ARMC7: variants seen among roughly 807,000 people sequenced by gnomAD.
ARMC7 encodes armadillo repeat-containing protein 7.
In ARMC7, 9 loss-of-function variants were observed where a neutral mutation model predicts 14.8. That is an observed-to-expected ratio of 0.61 (90% CI 0.37 to 1.06). The LOEUF (loss-of-function observed/expected upper bound fraction) is 1.06. ARMC7 is among the 50% of genes least tolerant of loss of function. ARMC7 has a pLI of 0.01. For missense variants in ARMC7, 262 were observed against 267.1 expected (o/e 0.98, Z 0.13); for synonymous variants, 125 against 123.4 (o/e 1.01, Z -0.09).
chr17:75,114,551 C>CCGAG, intron 2 of ARMC7: 1 of 394,718 alleles, frequency 2.5e-6, no homozygotes, highest in South Asian at 1.4e-4. Flanking sequence ...CGTCCCTTCT[C>CCGAG]CGAGCGTGGT....
chr17:75,110,593 G>A lies in ARMC7; in HGVS notation c.222G>A (p.Val74=), dbSNP rs2073909890. The change falls in exon 2 of 3, where the codon GTG becomes GTA. Residue 74 remains valine, a synonymous_variant. Transcript: ENST00000245543. ...DSLSEENETL[V]EFAIGGLCNL... is the part of the protein sequence containing the mutation. The stretch of plus-strand genomic sequence containing the variant: ...TGTCGGAGGAGAATGAGACCCTGGT[G>A]GAGTTTGCTATTGGTAAGGGCGGGG... 1.2e-6 allele frequency: 2 copies of A among 1,614,136 alleles called. No individual in the cohort carries two copies. Among genetic ancestry groups the A allele is most frequent in the Non-Finnish European group, 1.7e-6 (2 of 1,180,052 alleles).
At position 75,124,658 on chromosome 17, in the gene ARMC7, G is replaced by A. The variant is rs550585415; in HGVS notation, c.236-4019G>A. On this transcript the variant is annotated intron_variant, in intron 2 of 2. Coordinates refer to ENST00000245543, the MANE Select transcript of ARMC7 (RefSeq NM_024585.4). ...TGAGCCTGGCATCTGCCCAAGGCTG[G>A]ATTCGTTGTCCTTACTGCTTCCAGA... Among the ~76,000 whole-genome samples, 157 of 151,824 alleles carry A rather than the reference G, an allele frequency of 1.0e-3. 2 individuals are homozygous for A. The South Asian group carries it at 0.013, about 13-fold the overall frequency.
At chr17:75,121,084 G>A (rs186251237) in intron 2 of ARMC7, among the ~76,000 whole-genome samples, 11 of 152,176 alleles carry the variant, frequency 7.2e-5, no homozygotes, top group African/African-American at 2.4e-4. Flanking sequence ...ATCTACTCTC[G>A]TATCTGATTT....
intron 2 of ARMC7, among the ~76,000 whole-genome samples, chr17:75,116,756 G>A (rs1298845110): frequency 6.6e-6 from 1 of 152,236 alleles, no homozygotes; most frequent in Non-Finnish European, 1.5e-5. Flanking sequence ...AAGCGAGAAA[G>A]GAGTTTACTC....
intron 2 of ARMC7, chr17:75,114,728 G>C: frequency 2.5e-6 from 1 of 398,266 alleles, no homozygotes; most frequent in Non-Finnish European, 4.4e-6. Flanking sequence ...TTCTGCCACA[G>C]CAAGACCCCC....
At chr17:75,127,784 A>G (rs2074062742) in intron 2 of ARMC7, among the ~76,000 whole-genome samples, 2 of 152,206 alleles carry the variant, frequency 1.3e-5, no homozygotes, top group African/African-American at 4.8e-5. Flanking sequence ...TGGTAGCGAC[A>G]GAGTTTTGCC....
intron 2 of ARMC7, among the ~76,000 whole-genome samples, chr17:75,125,369 G>C (rs2074044211): frequency 6.6e-6 from 1 of 152,194 alleles, no homozygotes; most frequent in African/African-American, 2.4e-5. Flanking sequence ...TGGAGGGCTT[G>C]TTACCAGCAA....
intron 2 of ARMC7, among the ~76,000 whole-genome samples, chr17:75,120,691 G>A (rs1301223375): frequency 3.3e-5 from 5 of 151,772 alleles, no homozygotes; most frequent in African/African-American, 1.2e-4. Flanking sequence ...GCGGGCACCT[G>A]TAGTCCCAGC....
intron 2 of ARMC7, among the ~76,000 whole-genome samples, chr17:75,121,643 A>G (rs1424877294): frequency 1.3e-5 from 2 of 152,090 alleles, no homozygotes; most frequent in African/African-American, 2.4e-5. Context: ...GGAACTCCTG[A>G]CCTCAAGTGA....
chr17:75,127,174 G>A (rs1214057452), intron 2 of ARMC7, among the ~76,000 whole-genome samples: 5 of 151,932 alleles, frequency 3.3e-5, no homozygotes, highest in African/African-American at 1.2e-4. Flanking sequence ...GGAAGTTCAA[G>A]ACCAGACTGG....
chr17:75,119,184 TTCACAGGGGATTATTTGTTCTTGGG>T (rs1362972192), intron 2 of ARMC7, among the ~76,000 whole-genome samples: 1 of 144,412 alleles, frequency 6.9e-6, no homozygotes, highest in African/African-American at 2.9e-5. Flanking sequence ...CACTGGACTA[TTCACAGGGGATTATTTGTTCTTGGG>T]TTTTCCTTCA....
chr17:75,117,646 T>G (rs1344980934), intron 2 of ARMC7, among the ~76,000 whole-genome samples: 9 of 152,136 alleles, frequency 5.9e-5, no homozygotes, highest in African/African-American at 2.2e-4. Flanking sequence ...GTCTACAAAT[T>G]TGGCATCAGC....
At chr17:75,122,869 G>T (rs780870842) in intron 2 of ARMC7, among the ~76,000 whole-genome samples, 4 of 151,522 alleles carry the variant, frequency 2.6e-5, no homozygotes, top group Non-Finnish European at 5.9e-5. Flanking sequence ...GCAAAGCCTG[G>T]TGAGGGGGGC....
chr17:75,129,175 A>G lies in ARMC7; in HGVS notation c.*137A>G, dbSNP rs2145138570. The G allele has an allele frequency of 8.0e-7, 1 of 1,255,764 alleles. No individual in the cohort carries two copies. Among genetic ancestry groups the G allele is most frequent in the Non-Finnish European group, 1.1e-6 (1 of 932,072 alleles). 77.8% of individuals were successfully genotyped at this position (1,255,764 alleles called of 1,614,324 possible). ...GAAAGGCGGGTTCTTTCAGCAGGACAGGCATTTACACTGATGAAACGCCAC... is the reference window on the plus strand; with the variant it reads ...GAAAGGCGGGTTCTTTCAGCAGGACGGGCATTTACACTGATGAAACGCCAC... On this transcript the variant is annotated 3_prime_UTR_variant, in exon 3 of 3. Coordinates refer to ENST00000245543, the MANE Select transcript of ARMC7 (RefSeq NM_024585.4).
chr17:75,111,990 A>T (rs907463624), intron 2 of ARMC7, among the ~76,000 whole-genome samples: 5 of 151,534 alleles, frequency 3.3e-5, no homozygotes, highest in Non-Finnish European at 5.9e-5. Flanking sequence ...GTGGTTAGCA[A>T]ACAAAAAAGA....
At chr17:75,116,583 C>A (rs189823094) in intron 2 of ARMC7, among the ~76,000 whole-genome samples, 2 of 152,272 alleles carry the variant, frequency 1.3e-5, no homozygotes, top group Admixed American at 1.3e-4. Flanking sequence ...CAAGATCACG[C>A]CATTGCACTC....
At chr17:75,110,819 G>C (rs2073914590) in intron 2 of ARMC7, among the ~76,000 whole-genome samples, 1 of 152,008 alleles carries the variant, frequency 6.6e-6, no homozygotes, top group Admixed American at 6.6e-5. Flanking sequence ...GCTAGACGTG[G>C]TGGAGAGTGC....
chr17:75,117,730 G>T (rs2073983215), intron 2 of ARMC7, among the ~76,000 whole-genome samples: 1 of 152,190 alleles, frequency 6.6e-6, no homozygotes. Flanking sequence ...TGGTCAGAGT[G>T]TAGTTTTCAG....
rs748856081 is a variant in ARMC7 at position 75,110,338 on chromosome 17, T to G, written c.50T>G (p.Leu17Arg). ...CCCCACGTCGGGCGGCTGGGATACCTGCAGGCGCTGGTCACGGAATTCCAG... is the reference window on the plus strand; with the variant it reads ...CCCCACGTCGGGCGGCTGGGATACCGGCAGGCGCTGGTCACGGAATTCCAG... ...VDPHVGRLGY[L>R]QALVTEFQET... Residue 17 changes from leucine to arginine, a missense_variant, in exon 1 of 3, where the codon CTG becomes CGG. By Grantham distance (102) the Leu-to-Arg change is moderately radical. Coordinates refer to ENST00000245543, the MANE Select transcript of ARMC7 (RefSeq NM_024585.4). The G allele has an allele frequency of 3.1e-6, 5 of 1,613,858 alleles. No homozygotes were observed. Among genetic ancestry groups the G allele is most frequent in the Non-Finnish European group, 4.2e-6 (5 of 1,180,028 alleles).
Sources: gnomAD v4.1 joint callset for allele counts (sites outside exome capture counted in the v4.1 genomes callset) on GRCh38, gnomAD v4.1.1 for gene constraint, MANE v1.5 for transcripts, NCBI Gene and HGNC (gene_info 2026-07-23, HGNC 2026-07-21) for gene names.